The following ROCK1 variants were observed in gnomAD, a reference collection of about 807,000 sequenced individuals.
ROCK1 encodes Rho associated coiled-coil containing protein kinase 1, also known as rho-associated protein kinase 1.
ROCK1 carries 36 observed loss-of-function variants against 196.8 expected under a neutral mutation model. That is an observed-to-expected ratio of 0.18 (90% CI 0.14 to 0.24). The LOEUF is 0.24. ROCK1 is among the 10% of genes least tolerant of loss of function. The pLI is 1.00. For missense variants in ROCK1, 920 were observed against 1,562.0 expected (o/e 0.59, Z 6.93); for synonymous variants, 443 against 515.9 (o/e 0.86, Z 1.91).
In ROCK1 at chr18:20,959,121, A is replaced by ATATATAT. The variant is rs2035294936; in HGVS notation, c.3512+712_3512+718dup. ...ATATATATTATATATATATTATATA[A>ATATATAT]TATATATATTATATATATTATATAA... On this transcript the variant is annotated intron_variant, in intron 29 of 32. Coordinates refer to ENST00000399799, the MANE Select transcript of ROCK1 (RefSeq NM_005406.3). 9.6e-5 allele frequency among the ~76,000 whole-genome samples: 5 copies of ATATATAT among 52,068 alleles called. 1 individual carries two copies. The highest frequency in any genetic ancestry group is 6.1e-4 in the East Asian group (1 of 1,634). The allele number at this position is 52,068 out of a possible 152,430, so 34.2% of individuals were successfully genotyped here.
rs34360056 is a variant in ROCK1 at position 21,045,899 on chromosome 18, G to GTTTTTT, written c.415-438_415-433dup. Among the ~76,000 whole-genome samples the GTTTTTT allele has an allele frequency of 1.8e-4, 11 of 62,490 alleles. 1 individual carries two copies. Among genetic ancestry groups the GTTTTTT allele is most frequent in the East Asian group, 1.2e-3 (2 of 1,604 alleles). The allele number at this position is 62,490 out of a possible 152,430, so 41.0% of individuals were successfully genotyped here. A position where few individuals can be genotyped will look rare whatever the true frequency, so the allele number is the denominator to read the frequency against. On this transcript the variant is annotated intron_variant, in intron 4 of 32. Transcript: ENST00000399799. ...ATAAATTTGGCTTACAGTTTCAGCT[G>GTTTTTT]TTTTTTTTTTTTTTTTTTTTTTTTT...
intron 2 of ROCK1, among the ~76,000 whole-genome samples, chr18:21,063,248 G>A (rs2036306983): frequency 6.6e-6 from 1 of 151,952 alleles, no homozygotes; most frequent in Non-Finnish European, 1.5e-5. Flanking sequence ...ATGAGTTTTG[G>A]TGGGGGCATT....
chr18:21,007,987 G>C, intron 14 of ROCK1, 72 bp downstream of exon 14: 2 of 1,190,642 alleles, frequency 1.7e-6, no homozygotes, highest in Non-Finnish European at 2.3e-6. Context: ...ATGTATCATG[G>C]ACACTAAATT....
intron 27 of ROCK1, among the ~76,000 whole-genome samples, chr18:20,964,687 A>G (rs2035356709): frequency 6.6e-6 from 1 of 152,068 alleles, no homozygotes; most frequent in Non-Finnish European, 1.5e-5. Context: ...CCTTAAAAAC[A>G]AAATTCCTGA....
At chr18:21,003,966 C>T (rs2035747937) in intron 16 of ROCK1, among the ~76,000 whole-genome samples, 1 of 151,908 alleles carries the variant, frequency 6.6e-6, no homozygotes, top group Non-Finnish European at 1.5e-5. Flanking sequence ...TGATTTTTGC[C>T]TTTCAATCTG....
chr18:20,994,540 A>G, intron 16 of ROCK1, among the ~76,000 whole-genome samples: 1 of 152,174 alleles, frequency 6.6e-6, no homozygotes, highest in East Asian at 1.9e-4. Flanking sequence ...AGGTGGGAGG[A>G]TCGCCTGAGC....
intron 22 of ROCK1, among the ~76,000 whole-genome samples, chr18:20,972,677 T>C (rs2035440354): frequency 6.6e-6 from 1 of 152,166 alleles, no homozygotes; most frequent in African/African-American, 2.4e-5. Context: ...AATCCTGCTA[T>C]GAAATAAGGT....
intron 29 of ROCK1, among the ~76,000 whole-genome samples, chr18:20,957,309 A>G (rs2035251999): frequency 3.3e-5 from 5 of 152,252 alleles, no homozygotes; most frequent in Admixed American, 3.3e-4. Context: ...CTATTCAGCA[A>G]TACAAAGAAC....
chr18:21,111,263 T>A lies in ROCK1; in HGVS notation c.-353A>T. The A allele has an allele frequency of 2.1e-6, 1 of 474,594 alleles. No homozygotes were observed. The highest frequency in any genetic ancestry group is 3.7e-6 in the Non-Finnish European group (1 of 271,110). The allele number at this position is 474,594 out of a possible 1,614,324, so 29.4% of individuals were successfully genotyped here. On this transcript the variant is annotated 5_prime_UTR_variant, in exon 1 of 33. Coordinates refer to ENST00000399799, the MANE Select transcript of ROCK1 (RefSeq NM_005406.3). This position sits in a 1 kb window ranked among gnomAD's most constrained non-coding sequence, Gnocchi z 4.2. ...CCATGGAGGGGTCCCCGTCCCGAGA[T>A]GGGCAGGAGCGGGTAGAGAAAGAGA... is the stretch of plus-strand genomic sequence containing the variant.
chr18:20,955,270 A>G, intron 29 of ROCK1, 25 bp from the exon 30 acceptor site: 1 of 1,572,388 alleles, frequency 6.4e-7, no homozygotes, highest in Non-Finnish European at 8.6e-7. Flanking sequence ...AATACAGGCC[A>G]TTTACAAAAA....
intron 22 of ROCK1, 39 bp downstream of exon 22, chr18:20,979,871 T>G: frequency 6.6e-7 from 1 of 1,506,858 alleles, no homozygotes; most frequent in Non-Finnish European, 8.9e-7. Flanking sequence ...GAATGCCTGT[T>G]GCAGTACTGA....
In ROCK1 at chr18:21,080,814, T is replaced by G. The variant is rs2036476581; in HGVS notation, c.94-10201A>C. On this transcript the variant is annotated intron_variant, in intron 1 of 32. Coordinates refer to ENST00000399799, the MANE Select transcript of ROCK1 (RefSeq NM_005406.3). Reference sequence around the variant, plus strand: ...AAAAATATATTATCATAAATTTATATGCGTCAAATATGTACATTTGGTATA... The same window carrying G: ...AAAAATATATTATCATAAATTTATAGGCGTCAAATATGTACATTTGGTATA... Among the ~76,000 whole-genome samples, 3 of 152,322 alleles carry G rather than the reference T, an allele frequency of 2.0e-5. 1 individual carries two copies. The South Asian group carries it at 6.2e-4, about 32-fold the overall frequency.
At chr18:20,992,958 T>TC (rs1291584221) in intron 16 of ROCK1, 21 bp from the exon 17 acceptor site, 1 of 1,488,140 alleles carries the variant, frequency 6.7e-7, no homozygotes. Flanking sequence ...AGAAAAAAGT[T>TC]CAAGTCTGTA....
At chr18:21,101,344 G>T (rs943801563) in intron 1 of ROCK1, among the ~76,000 whole-genome samples, 12 of 152,210 alleles carry the variant, frequency 7.9e-5, no homozygotes, top group African/African-American at 2.7e-4. Flanking sequence ...ATCACAGACT[G>T]ATGCCACCTG....
Position 21,111,226 on chromosome 18 carries a change from C to T in ROCK1, c.-316G>A. The T allele has an allele frequency of 2.0e-6, 1 of 495,242 alleles. No individual in the cohort carries two copies. The allele number at this position is 495,242 out of a possible 1,614,324, so 30.7% of individuals were successfully genotyped here. A position where few individuals can be genotyped will look rare whatever the true frequency, so the allele number is the denominator to read the frequency against. ...CGAGGTGCTTCAGTCTAGCGGGCCC[C>T]GGCCGCCGTCGCCATGGAGGGGTCC... On this transcript the variant is annotated 5_prime_UTR_variant, in exon 1 of 33. Transcript: ENST00000399799. This position sits in a 1 kb window ranked among gnomAD's most constrained non-coding sequence, Gnocchi z 4.2.
At chr18:21,032,886 A>T (rs1182197575) in intron 9 of ROCK1, among the ~76,000 whole-genome samples, 1 of 152,010 alleles carries the variant, frequency 6.6e-6, no homozygotes, top group Non-Finnish European at 1.5e-5. Flanking sequence ...GGCTGACAAA[A>T]TCTATTTTAA....
chr18:20,969,622 G>A (rs2035407130), intron 23 of ROCK1, among the ~76,000 whole-genome samples: 1 of 151,960 alleles, frequency 6.6e-6, no homozygotes. Context: ...ATTACTTTTA[G>A]TAATATATAA....
At chr18:21,073,043 G>C (rs1468139585) in intron 1 of ROCK1, among the ~76,000 whole-genome samples, 2 of 105,670 alleles carry the variant, frequency 1.9e-5, no homozygotes, top group East Asian at 6.6e-4. Context: ...CTCCAGCCTG[G>C]GTGAAAGAGA....
intron 1 of ROCK1, among the ~76,000 whole-genome samples, chr18:21,102,178 A>T (rs2036664549): frequency 1.3e-5 from 2 of 152,334 alleles, no homozygotes; most frequent in South Asian, 4.1e-4. Flanking sequence ...CCTAAGAATC[A>T]TCCCAAAAAA....
Sources: allele counts gnomAD v4.1 joint callset (sites outside exome capture counted in the v4.1 genomes callset), GRCh38; gene constraint gnomAD v4.1.1; non-coding constraint Gnocchi (gnomAD v3.1); transcripts MANE v1.5; gene names NCBI Gene and HGNC (gene_info 2026-07-23, HGNC 2026-07-21).